The following LLGL1 variants were observed in gnomAD, a reference collection of about 807,000 sequenced individuals.
LLGL1 encodes lethal(2) giant larvae protein homolog 1.
A neutral mutation model predicts 110.6 loss-of-function variants in LLGL1; 58 were observed. The ratio of observed to expected loss-of-function variants is 0.52; its 90% confidence interval spans 0.42 to 0.65. The LOEUF is 0.65. Ranked by LOEUF, LLGL1 falls within the 30% of genes least tolerant of loss-of-function variation. LLGL1 has a pLI of 0.00. For missense variants in LLGL1, 1,229 were observed against 1,462.1 expected (o/e 0.84, Z 2.60); for synonymous variants, 674 against 607.2 (o/e 1.11, Z -1.62).
Position 18,234,015 on chromosome 17 carries a change from T to C in LLGL1, c.554T>C (p.Val185Ala), listed in dbSNP as rs1321356951. The C allele has an allele frequency of 4.4e-6, 7 of 1,593,982 alleles. No homozygotes were observed. The highest frequency in any genetic ancestry group is 6.0e-6 in the Non-Finnish European group (7 of 1,167,042). ...TLAPGEVLRSVPDDYRCGKAL... is the reference protein window; with the variant it reads ...TLAPGEVLRSAPDDYRCGKAL... ...GGCTCACCTGCCTTCCTCCACAGCG[T>C]GCCAGACGACTACCGCTGTGGGAAG... Residue 185 changes from valine (V) to alanine (A), a missense_variant and splice_region_variant, in exon 6 of 23, where the codon GTG becomes GCG. Coordinates refer to ENST00000316843, the MANE Select transcript of LLGL1 (RefSeq NM_004140.4).
chr17:18,232,835 G>A lies in LLGL1; in HGVS notation c.392+33G>A, dbSNP rs373971460. The A allele has an allele frequency of 2.5e-6, 4 of 1,612,702 alleles. No homozygotes were observed. In the African/African-American group the frequency reaches 5.3e-5, roughly 22 times the overall value. ...AGAACTTGGCTGGGGCCAGCCACCG[G>A]GCAGGGAGGATCTGGGGGAGGCTGT... On this transcript the variant is annotated intron_variant, in intron 4 of 22. Transcript: ENST00000316843.
At chr17:18,241,122 G>A (rs924468484) in intron 17 of LLGL1, 38 of 584,752 alleles carry the variant, frequency 6.5e-5, no homozygotes, top group Non-Finnish European at 9.8e-5. Context: ...TGCCACACAA[G>A]GCTCCTGTAC....
At chr17:18,233,704 G>A in intron 4 of LLGL1, 74 bp from the exon 5 acceptor site, 2 of 1,501,666 alleles carry the variant, frequency 1.3e-6, no homozygotes, top group Non-Finnish European at 1.8e-6. Flanking sequence ...ATCAGCAGTG[G>A]CCCAGCCCCT....
intron 16 of LLGL1, 141 bp downstream of exon 16, chr17:18,238,750 T>A: frequency 1.2e-6 from 1 of 834,862 alleles, no homozygotes; most frequent in Non-Finnish European, 1.9e-6. Context: ...CTCAAGCCTG[T>A]GAGTGATCCC....
chr17:18,238,030 C>A (rs1359013267), intron 14 of LLGL1, 37 bp from the exon 15 acceptor site: 2 of 1,607,382 alleles, frequency 1.2e-6, no homozygotes, highest in Non-Finnish European at 1.7e-6. Context: ...CCCCAGGAGG[C>A]TGCTCTATAG....
intron 1 of LLGL1, among the ~76,000 whole-genome samples, chr17:18,229,286 C>T (rs1329376114): frequency 6.6e-6 from 1 of 152,104 alleles, no homozygotes; most frequent in Non-Finnish European, 1.5e-5. Context: ...ATCTCCGCCC[C>T]TGATGGTTAT....
rs370182207 is a variant in LLGL1, at chr17:18,241,952, G to A, written c.2835G>A (p.Pro945=). ...TAAGTGCCCGGAACATCACAGAGCC[G>A]CTCTGCTCTCTGGACATTAACTGGC... ...FSLSARNITE[P]LCSLDINWPR... is the part of the protein sequence containing the mutation. Residue 945 remains proline (P), a synonymous_variant, in exon 19 of 23, where the codon CCG becomes CCA. Coordinates refer to ENST00000316843, the MANE Select transcript of LLGL1 (RefSeq NM_004140.4). 117 of 1,613,980 alleles carry A rather than the reference G, an allele frequency of 7.2e-5. No individual in the cohort carries two copies. Among genetic ancestry groups the A allele is most frequent in the South Asian group, 8.8e-5 (8 of 91,082 alleles).
In LLGL1 at chr17:18,233,856, C is replaced by T; in HGVS notation, c.471C>T (p.Gly157=). ...ASDIAALGTE[G]SSVFFLDVTT... is the part of the protein sequence containing the mutation. ...ACATAGCAGCCCTGGGCACTGAGGG[C>T]AGCAGTGTCTTCTTCCTGGATGTTA... Residue 157 remains glycine (G), a synonymous_variant, in exon 5 of 23, where the codon GGC becomes GGT. Coordinates refer to ENST00000316843, the MANE Select transcript of LLGL1 (RefSeq NM_004140.4). The T allele has an allele frequency of 1.2e-6, 2 of 1,613,868 alleles. No individual in the cohort carries two copies. Among genetic ancestry groups the T allele is most frequent in the Non-Finnish European group, 1.7e-6 (2 of 1,180,002 alleles).
chr17:18,235,731 T>C (rs2047678860), intron 11 of LLGL1, 194 bp downstream of exon 11: 2 of 595,066 alleles, frequency 3.4e-6, no homozygotes, highest in Non-Finnish European at 5.9e-6. Flanking sequence ...CTGATCTGCC[T>C]TTTGGCCTGG....
chr17:18,226,104 C>T (rs1238739933), intron 1 of LLGL1, among the ~76,000 whole-genome samples: 1 of 152,118 alleles, frequency 6.6e-6, no homozygotes, highest in Non-Finnish European at 1.5e-5. Context: ...CGCTGACCGG[C>T]TGTCTCGCCC....
At chr17:18,234,729 T>C (rs2047650712) in intron 8 of LLGL1, 26 bp downstream of exon 8, 1 of 1,613,884 alleles carries the variant, frequency 6.2e-7, no homozygotes, top group Non-Finnish European at 8.5e-7. Flanking sequence ...GGGTGTCCGA[T>C]GTGAGTTGGG....
chr17:18,234,893 C>T lies in LLGL1; in HGVS notation c.960C>T (p.Arg320=). 1 of 1,614,080 alleles carries T rather than the reference C, an allele frequency of 6.2e-7. No individual in the cohort carries two copies. The highest frequency in any genetic ancestry group is 8.5e-7 in the Non-Finnish European group (1 of 1,180,012). Residue 320 remains arginine (R), a synonymous_variant, in exon 9 of 23, where the codon CGC becomes CGT. Transcript: ENST00000316843. ...GGMPRASYGD[R]HCVSVLRAET... The stretch of plus-strand genomic sequence containing the variant: ...TGCCCCGTGCCAGCTATGGTGACCG[C>T]CACTGTGTAAGTGTGCTTCGAGCCG...
intron 17 of LLGL1, 27 bp from the exon 18 acceptor site, chr17:18,241,424 T>C (rs1323555303): frequency 3.1e-6 from 5 of 1,603,178 alleles, no homozygotes; most frequent in African/African-American, 1.3e-5. Context: ...GGGCCAGGCT[T>C]TGTGCTCACC....
At chr17:18,238,267 T>A in intron 15 of LLGL1, 53 bp downstream of exon 15, 1 of 1,602,642 alleles carries the variant, frequency 6.2e-7, no homozygotes. Context: ...TGCCTTGGCC[T>A]GGCTCTGGCC....
Position 18,244,868 on chromosome 17 carries a change from C to T in LLGL1, c.*962C>T, listed in dbSNP as rs921174334. 10 of 431,378 alleles carry T rather than the reference C, an allele frequency of 2.3e-5. No homozygotes were observed. The highest frequency in any genetic ancestry group is 1.8e-4 in the African/African-American group (9 of 49,542). The allele number at this position is 431,378 out of a possible 1,614,324, so 26.7% of individuals were successfully genotyped here. A position where few individuals can be genotyped will look rare whatever the true frequency, so the allele number is the denominator to read the frequency against. On this transcript the variant is annotated 3_prime_UTR_variant, in exon 23 of 23. Transcript: ENST00000316843. ...TATTGAAAATAAAAGCATTTAATAT[C>T]TCTTAAAGGGCATCCACATCTGCTT...
chr17:18,239,750 T>C (rs1319697209), intron 16 of LLGL1, among the ~76,000 whole-genome samples: 7 of 151,840 alleles, frequency 4.6e-5, no homozygotes, highest in Non-Finnish European at 8.8e-5. Context: ...TGGGGGGTTC[T>C]TTGACTTTTT....
intron 2 of LLGL1, 77 bp from the exon 3 acceptor site, chr17:18,232,418 A>G: frequency 7.6e-7 from 1 of 1,318,000 alleles, no homozygotes. Flanking sequence ...AGTCCGGGTC[A>G]AGGAGGAGCC....
At position 18,237,690 on chromosome 17, in the gene LLGL1, C is replaced by T. The variant is rs2047726877; in HGVS notation, c.1821C>T (p.His607=). The change falls in exon 14 of 23, where the codon CAC becomes CAT. Residue 607 remains histidine (H), a synonymous_variant. Transcript: ENST00000316843. The part of the protein sequence containing the change: ...PPAAVTAVTL[H]TEWSLVAFGT... ...CTGCTGTAACCGCTGTCACACTCCA[C>T]ACCGAGTGGAGCCTCGTGGCTTTTG... The T allele has an allele frequency of 1.2e-6, 2 of 1,613,022 alleles. No individual in the cohort carries two copies. Among genetic ancestry groups the T allele is most frequent in the Non-Finnish European group, 1.7e-6 (2 of 1,179,986 alleles).
chr17:18,244,722 CGGGGGGGGGGGGCA>C lies in LLGL1; in HGVS notation c.*827_*840del, dbSNP rs1219473406. ...GGCCTAGTCAGGTGTGTGTGTCCGG[CGGGGGGGGGGGGCA>C]GGGGGGGGGGTCAAGATGAGTTTCC... On this transcript the variant is annotated 3_prime_UTR_variant, in exon 23 of 23. Coordinates refer to ENST00000316843, the MANE Select transcript of LLGL1 (RefSeq NM_004140.4). 41 of 7,896 alleles carry C rather than the reference CGGGGGGGGGGGGCA, an allele frequency of 5.2e-3. 8 individuals carry two copies. The highest frequency in any genetic ancestry group is 0.043 in the East Asian group (24 of 560). The allele number at this position is 7,896 out of a possible 1,614,324, so 0.5% of individuals were successfully genotyped here. A position where few individuals can be genotyped will look rare whatever the true frequency, so the allele number is the denominator to read the frequency against.
Sources: allele counts gnomAD v4.1 joint callset (sites outside exome capture counted in the v4.1 genomes callset), GRCh38; gene constraint gnomAD v4.1.1; transcripts MANE v1.5; gene names NCBI Gene and HGNC (gene_info 2026-07-23, HGNC 2026-07-21).